PTPRM: variants seen among roughly 807,000 people sequenced by gnomAD.
PTPRM encodes protein tyrosine phosphatase receptor type M, also known as receptor-type tyrosine-protein phosphatase mu.
Under a neutral mutation model 186.7 loss-of-function variants are expected in PTPRM, and 47 were observed. The observed-to-expected ratio is 0.25, with a 90% confidence interval of 0.20 to 0.32. The LOEUF (loss-of-function observed/expected upper bound fraction) is 0.32. Among genes scored for constraint, PTPRM ranks in the 10% least tolerant of loss-of-function variants. The pLI, the probability that PTPRM is intolerant of heterozygous loss-of-function variation, is 1.00. For missense variants in PTPRM, 1,494 were observed against 1,865.0 expected, an observed-to-expected ratio of 0.80 and a Z score of 3.66; for synonymous variants, 668 against 674.9, an observed-to-expected ratio of 0.99 and a Z score of 0.16.
rs573567831 is a variant in PTPRM, at chr18:8,211,552, C to T, written c.2301-32506C>T. Among the ~76,000 whole-genome samples the T allele has an allele frequency of 2.6e-3, 392 of 149,192 alleles. 2 individuals are homozygous for T. Among genetic ancestry groups the T allele is most frequent in the Non-Finnish European group, 4.1e-3 (276 of 67,118 alleles). ...CCGAGTAGCTGGGATTACAGGCACC[C>T]GCCACCACCCCTGGCTATTTTTTTC... On this transcript the variant is annotated intron_variant, in intron 14 of 32. Coordinates refer to ENST00000580170, the MANE Select transcript of PTPRM (RefSeq NM_001105244.2).
At chr18:8,055,978 G>T (rs558350063) in intron 7 of PTPRM, among the ~76,000 whole-genome samples, 7 of 152,272 alleles carry the variant, frequency 4.6e-5, no homozygotes, top group Non-Finnish European at 8.8e-5. Flanking sequence ...GTAAGGTGTT[G>T]CTGGAGACAC....
chr18:7,813,585 C>T (rs529575337), intron 2 of PTPRM, among the ~76,000 whole-genome samples: 25 of 152,208 alleles, frequency 1.6e-4, no homozygotes, highest in South Asian at 1.5e-3. Context: ...CCTTCTGGAC[C>T]GAGAGGATAT....
chr18:7,779,997 G>A lies in PTPRM; in HGVS notation c.196+5726G>A, dbSNP rs915074105. 2.6e-5 allele frequency among the ~76,000 whole-genome samples: 4 copies of A among 152,124 alleles called. No homozygotes were observed. In the East Asian group the frequency reaches 7.7e-4, roughly 29 times the overall value. ...CACATTTATTAATGACTTTCTAGTG[G>A]CGAGTATTTAAGAGGTAATCCAAAA... On this transcript the variant is annotated intron_variant, in intron 2 of 32. Transcript: ENST00000580170.
At position 7,770,457 on chromosome 18, in the gene PTPRM, T is replaced by C. The variant is rs185743473; in HGVS notation, c.74-3692T>C. ...TGAGAGTGCTTTGTTCTATGAGGTA[T>C]ATCTGGCAAGAAGAATTTAAGAACT... On this transcript the variant is annotated intron_variant, in intron 1 of 32. Transcript: ENST00000580170. Among the ~76,000 whole-genome samples, 3 of 152,332 alleles carry C rather than the reference T, an allele frequency of 2.0e-5. No homozygotes were observed. In the East Asian group the frequency reaches 5.8e-4, roughly 29 times the overall value.
chr18:7,913,438 TC>T (rs2050387315), intron 4 of PTPRM, among the ~76,000 whole-genome samples: 1 of 152,216 alleles, frequency 6.6e-6, no homozygotes, highest in Non-Finnish European at 1.5e-5. Flanking sequence ...AAGCTTTCAG[TC>T]TTTTAGCATG....
In PTPRM at chr18:7,863,048, G is replaced by T. The variant is rs1467233589; in HGVS notation, c.197-25058G>T. Among the ~76,000 whole-genome samples the T allele has an allele frequency of 2.6e-5, 4 of 152,264 alleles. No individual in the cohort carries two copies. In the South Asian group the frequency reaches 8.3e-4, roughly 32 times the overall value. On this transcript the variant is annotated intron_variant, in intron 2 of 32. Transcript: ENST00000580170. Reference sequence around the variant, plus strand: ...TGGGGTAGAGAAAAGCTGGGAATAAGATTCGTTCTCACAATTTCACCATCA... The same window carrying T: ...TGGGGTAGAGAAAAGCTGGGAATAATATTCGTTCTCACAATTTCACCATCA...
chr18:8,283,496 T>A (rs1056288324), intron 19 of PTPRM, among the ~76,000 whole-genome samples: 1 of 152,212 alleles, frequency 6.6e-6, no homozygotes, highest in Admixed American at 6.5e-5. Context: ...AATGACAAAA[T>A]GAGGCAAGGA....
chr18:7,788,018 C>G (rs1056205619), intron 2 of PTPRM, among the ~76,000 whole-genome samples: 2 of 152,254 alleles, frequency 1.3e-5, no homozygotes, highest in African/African-American at 4.8e-5. Flanking sequence ...GAAAGGGTCT[C>G]AGGGATTTCA....
intron 2 of PTPRM, among the ~76,000 whole-genome samples, chr18:7,854,151 AT>A (rs1288967399): frequency 6.6e-6 from 1 of 152,212 alleles, no homozygotes; most frequent in African/African-American, 2.4e-5. Context: ...GCTAAAGGAA[AT>A]GATGGACATA....
intron 23 of PTPRM, among the ~76,000 whole-genome samples, chr18:8,348,779 A>G (rs2095519131): frequency 6.6e-6 from 1 of 152,250 alleles, no homozygotes; most frequent in Non-Finnish European, 1.5e-5. Context: ...ATATTTAGTC[A>G]GTTTTATGAA....
At chr18:7,995,536 C>G (rs2083488099) in intron 7 of PTPRM, 1 of 152,192 alleles carries the variant, frequency 6.6e-6, no homozygotes, top group African/African-American at 2.4e-5. Flanking sequence ...AAAATATTAA[C>G]ATAGTAAATC....
At chr18:8,119,299 T>A (rs1230925122) in intron 13 of PTPRM, among the ~76,000 whole-genome samples, 1 of 152,198 alleles carries the variant, frequency 6.6e-6, no homozygotes, top group East Asian at 1.9e-4. Flanking sequence ...TTCTACAGAC[T>A]GTTTTTCTGT....
intron 26 of PTPRM, 187 bp downstream of exon 26, chr18:8,376,784 A>T (rs1455652786): frequency 4.2e-6 from 3 of 716,134 alleles, no homozygotes; most frequent in Non-Finnish European, 6.3e-6. Context: ...AAACAAACCA[A>T]ACAAACCCAG....
chr18:7,705,246 G>A (rs996881874), intron 1 of PTPRM, among the ~76,000 whole-genome samples: 2 of 151,848 alleles, frequency 1.3e-5, no homozygotes, highest in African/African-American at 4.8e-5. Context: ...TAGCAAATAA[G>A]TATTTATATC....
chr18:7,845,139 T>C (rs1486067946), intron 2 of PTPRM, among the ~76,000 whole-genome samples: 2 of 152,188 alleles, frequency 1.3e-5, no homozygotes, highest in African/African-American at 2.4e-5. Flanking sequence ...TTAAGGGCTT[T>C]TATAGTGTAC....
At chr18:8,079,658 A>G (rs1052803162) in intron 9 of PTPRM, among the ~76,000 whole-genome samples, 13 of 152,288 alleles carry the variant, frequency 8.5e-5, no homozygotes, top group African/African-American at 2.9e-4. Context: ...CACCAGATTC[A>G]TGATCTAAAC....
intron 1 of PTPRM, among the ~76,000 whole-genome samples, chr18:7,735,645 G>C (rs1209429059): frequency 6.6e-6 from 1 of 151,952 alleles, no homozygotes; most frequent in African/African-American, 2.4e-5. Context: ...TATAAAGAAT[G>C]TCTATTAACA....
chr18:7,624,925 T>A (rs974487051), intron 1 of PTPRM, among the ~76,000 whole-genome samples: 1 of 152,202 alleles, frequency 6.6e-6, no homozygotes, highest in Non-Finnish European at 1.5e-5. Context: ...CTGGTGTGTG[T>A]GTGGCGAGCC....
chr18:7,792,503 G>A (rs1417948663), intron 2 of PTPRM, among the ~76,000 whole-genome samples: 2 of 151,916 alleles, frequency 1.3e-5, no homozygotes, highest in Non-Finnish European at 2.9e-5. Flanking sequence ...TAACTTCCCC[G>A]GGCTCATACC....
Sources: allele counts gnomAD v4.1 joint callset (sites outside exome capture counted in the v4.1 genomes callset), GRCh38; gene constraint gnomAD v4.1.1; transcripts MANE v1.5; gene names NCBI Gene and HGNC (gene_info 2026-07-23, HGNC 2026-07-21).